Variants in PKHD1 observed in about 807,000 individuals in gnomAD.
The protein encoded by PKHD1 is PKHD1 ciliary IPT domain containing fibrocystin/polyductin.
Under a neutral mutation model 412.0 loss-of-function variants are expected in PKHD1, and 291 were observed. The observed-to-expected ratio is 0.71, with a 90% confidence interval of 0.64 to 0.78. The LOEUF is 0.78. Ranked by LOEUF, PKHD1 falls within the 30% of genes least tolerant of loss-of-function variation. The probability of loss-of-function intolerance (pLI) is 0.00; values close to 1 mark genes in which losing one functional copy is unlikely to be tolerated. For missense variants in PKHD1, 4,825 were observed against 4,950.7 expected (o/e 0.97, Z 0.76); for synonymous variants, 1,777 against 1,821.5 (o/e 0.98, Z 0.62).
intron 14 of PKHD1, among the ~76,000 whole-genome samples, chr6:52,062,044 G>T (rs985079356): frequency 6.6e-6 from 1 of 152,164 alleles, no homozygotes; most frequent in Non-Finnish European, 1.5e-5. Flanking sequence ...GAACCCGCAA[G>T]AGCTTCCCCT....
rs727504089 is a variant in PKHD1 at position 52,043,721 on chromosome 6, G to T, written c.2725C>A (p.Arg909=). Residue 909 remains arginine, a synonymous_variant, in exon 26 of 67, where the codon CGA becomes AGA. Coordinates refer to ENST00000371117, the MANE Select transcript of PKHD1 (RefSeq NM_138694.4). The stretch of plus-strand genomic sequence containing the variant: ...CAATGAGCTGGTACATCATTCACTC[G>T]CACAACCACCTGAAATGAGGCAAAA... ...TANQHTQVVV[R]VNDVPAHCPG... is the part of the protein sequence containing the mutation. The T allele has an allele frequency of 6.2e-7, 1 of 1,612,970 alleles. No homozygotes were observed. The highest frequency in any genetic ancestry group is 2.2e-5 in the East Asian group (1 of 44,860).
Position 51,912,015 on chromosome 6 carries a change from A to G in PKHD1, c.6333-59T>C, listed in dbSNP as rs566295353. Reference sequence around the variant, plus strand: ...CATCACTCCAAATCTTACTAGGAATAATAAGCCACTAGATTAACATAATTC... The same window carrying G: ...CATCACTCCAAATCTTACTAGGAATGATAAGCCACTAGATTAACATAATTC... On this transcript the variant is annotated intron_variant, in intron 38 of 66. Transcript: ENST00000371117. The G allele has an allele frequency of 4.8e-5, 61 of 1,283,514 alleles. 2 individuals are homozygous for G. In the South Asian group the frequency reaches 7.4e-4, roughly 16 times the overall value. The allele number at this position is 1,283,514 out of a possible 1,614,324, so 79.5% of individuals were successfully genotyped here.
chr6:51,830,720 C>A, intron 52 of PKHD1, 141 bp downstream of exon 52: 3 of 781,510 alleles, frequency 3.8e-6, no homozygotes, highest in South Asian at 3.3e-5. Flanking sequence ...ATTAACCCCC[C>A]CAAAAAGAGG....
chr6:52,060,990 T>C (rs955707290), intron 14 of PKHD1, among the ~76,000 whole-genome samples: 1 of 152,232 alleles, frequency 6.6e-6, no homozygotes, highest in Non-Finnish European at 1.5e-5. Context: ...TAAAGGGACA[T>C]ACCCTGCAAC....
chr6:51,664,294 C>T (rs1049439114), intron 60 of PKHD1, among the ~76,000 whole-genome samples: 2 of 152,194 alleles, frequency 1.3e-5, no homozygotes, highest in East Asian at 1.9e-4. Flanking sequence ...TGACAAACTA[C>T]CTAGGTAGAA....
intron 52 of PKHD1, among the ~76,000 whole-genome samples, chr6:51,792,824 G>A (rs1484588214): frequency 1.3e-5 from 2 of 152,050 alleles, no homozygotes; most frequent in Non-Finnish European, 2.9e-5. Flanking sequence ...ACTCTCCCTG[G>A]GGAAACAACC....
chr6:51,983,314 G>A (rs1795809963), intron 35 of PKHD1, among the ~76,000 whole-genome samples: 1 of 152,174 alleles, frequency 6.6e-6, no homozygotes, highest in African/African-American at 2.4e-5. Flanking sequence ...CATCATTATT[G>A]TGTAAACGGA....
Position 51,746,904 on chromosome 6 carries a change from A to G in PKHD1, c.9830-15T>C. On this transcript the variant is annotated splice_polypyrimidine_tract_variant and intron_variant, in intron 58 of 66. Coordinates refer to ENST00000371117, the MANE Select transcript of PKHD1 (RefSeq NM_138694.4). The stretch of plus-strand genomic sequence containing the variant: ...AAAGGTAACATCTGAAATTTTAAAA[A>G]TATGTATCATAATATTATATCATAT... 2 of 1,440,096 alleles carry G rather than the reference A, an allele frequency of 1.4e-6. No individual in the cohort carries two copies. Among genetic ancestry groups the G allele is most frequent in the East Asian group, 2.4e-5 (1 of 41,504 alleles). The allele number at this position is 1,440,096 out of a possible 1,614,324, so 89.2% of individuals were successfully genotyped here. A position where few individuals can be genotyped will look rare whatever the true frequency, so the allele number is the denominator to read the frequency against.
intron 60 of PKHD1, among the ~76,000 whole-genome samples, chr6:51,728,265 C>T (rs1254143522): frequency 6.6e-6 from 1 of 152,166 alleles, no homozygotes; most frequent in Non-Finnish European, 1.5e-5. Flanking sequence ...CTGGCAGGGT[C>T]TACGATGGCA....
chr6:51,931,887 A>AGG (rs1404656635), intron 37 of PKHD1, among the ~76,000 whole-genome samples: 3 of 146,654 alleles, frequency 2.0e-5, no homozygotes, highest in Non-Finnish European at 4.5e-5. Flanking sequence ...GGGAGGAAAA[A>AGG]GGGGAGAGAG....
chr6:51,870,767 A>G (rs1039115935), intron 46 of PKHD1, 128 bp from the exon 47 acceptor site: 2 of 709,946 alleles, frequency 2.8e-6, no homozygotes, highest in African/African-American at 1.8e-5. Context: ...ATATTTGCCA[A>G]TCACACATAT....
intron 48 of PKHD1, among the ~76,000 whole-genome samples, chr6:51,857,434 T>A (rs968768065): frequency 2.0e-5 from 3 of 152,254 alleles, no homozygotes; most frequent in East Asian, 1.9e-4. Flanking sequence ...GGAACTTTTT[T>A]AAGTGTTGCA....
intron 52 of PKHD1, among the ~76,000 whole-genome samples, chr6:51,796,815 A>C (rs553344312): frequency 3.6e-4 from 38 of 105,884 alleles, no homozygotes; most frequent in South Asian, 3.2e-3. Flanking sequence ...GGTTTTGAAT[A>C]GATTTTTTTT....
chr6:51,734,765 T>C (rs1199961848), intron 60 of PKHD1, among the ~76,000 whole-genome samples: 1 of 152,204 alleles, frequency 6.6e-6, no homozygotes. Flanking sequence ...ATTTTGATTT[T>C]GCCACCTGAC....
chr6:51,745,598 G>A (rs1785089045), intron 59 of PKHD1, among the ~76,000 whole-genome samples: 1 of 152,098 alleles, frequency 6.6e-6, no homozygotes, highest in Non-Finnish European at 1.5e-5. Flanking sequence ...CAAAACTTTG[G>A]GAGGCTGAGG....
At chr6:51,722,095 C>T (rs112123646) in intron 60 of PKHD1, 19 of 1,610,484 alleles carry the variant, frequency 1.2e-5, no homozygotes, top group African/African-American at 4.0e-5. Context: ...CTTTTCTTCT[C>T]GGCATGCTTT....
At chr6:51,701,774 TAA>T (rs1380681960) in intron 60 of PKHD1, among the ~76,000 whole-genome samples, 4 of 151,976 alleles carry the variant, frequency 2.6e-5, no homozygotes, top group Non-Finnish European at 4.4e-5. Context: ...CAACTTTATA[TAA>T]GTTTATATTA....
chr6:51,711,862 A>G (rs1374639096), intron 60 of PKHD1, among the ~76,000 whole-genome samples: 1 of 152,230 alleles, frequency 6.6e-6, no homozygotes, highest in East Asian at 1.9e-4. Context: ...ATATTTGCAA[A>G]TATGAGGCAT....
At chr6:52,005,932 C>A (rs1210840580) in intron 35 of PKHD1, among the ~76,000 whole-genome samples, 1 of 148,630 alleles carries the variant, frequency 6.7e-6, no homozygotes, top group Non-Finnish European at 1.5e-5. Flanking sequence ...GGACAACTTG[C>A]CATTTTTCTT....
Sources: allele counts gnomAD v4.1 joint callset (sites outside exome capture counted in the v4.1 genomes callset), GRCh38; gene constraint gnomAD v4.1.1; transcripts MANE v1.5; gene names NCBI Gene and HGNC (gene_info 2026-07-23, HGNC 2026-07-21).